NKAIN2: variants seen among roughly 807,000 people sequenced by gnomAD.
NKAIN2 encodes the protein sodium/potassium transporting ATPase interacting 2, also known as sodium/potassium-transporting ATPase subunit beta-1-interacting protein 2.
Under a neutral mutation model 32.6 loss-of-function variants are expected in NKAIN2, and 14 were observed. That is an observed-to-expected ratio of 0.43 (90% CI 0.28 to 0.67). The LOEUF is 0.67. NKAIN2 is among the 30% of genes least tolerant of loss of function. The pLI, the probability that NKAIN2 is intolerant of heterozygous loss-of-function variation, is 0.17. For synonymous variants in NKAIN2, 80 were observed against 87.2 expected (o/e 0.92, Z 0.46); for missense variants, 198 against 258.3 (o/e 0.77, Z 1.60).
chr6:124,800,074 G>A (rs533899081), intron 5 of NKAIN2, among the ~76,000 whole-genome samples: 9 of 152,278 alleles, frequency 5.9e-5, no homozygotes, highest in Admixed American at 4.6e-4. Context: ...AAGACAAAAC[G>A]CTGGCACAGG....
Position 124,277,857 on chromosome 6 carries a change from T to C in NKAIN2, c.55-5148T>C, listed in dbSNP as rs112623826. On this transcript the variant is annotated intron_variant, in intron 1 of 6. Coordinates refer to ENST00000368417, the MANE Select transcript of NKAIN2 (RefSeq NM_001040214.3). ...GCACTAGAAACATAATTTGGTTGTTTACAGCCTTTAATAACACACCTTAAA... is the reference window on the plus strand; with the variant it reads ...GCACTAGAAACATAATTTGGTTGTTCACAGCCTTTAATAACACACCTTAAA... Among the ~76,000 whole-genome samples the C allele has an allele frequency of 3.5e-3, 534 of 152,026 alleles. 2 individuals are homozygous for C. The highest frequency in any genetic ancestry group is 0.012 in the African/African-American group (502 of 41,438).
chr6:124,375,213 C>A (rs543538065), intron 3 of NKAIN2, among the ~76,000 whole-genome samples: 5 of 151,960 alleles, frequency 3.3e-5, no homozygotes, highest in African/African-American at 1.2e-4. Context: ...AACACGTGCT[C>A]CAGATCCCAC....
chr6:124,789,022 G>T (rs1258384276), intron 4 of NKAIN2, among the ~76,000 whole-genome samples: 2 of 151,990 alleles, frequency 1.3e-5, no homozygotes, highest in Non-Finnish European at 2.9e-5. Flanking sequence ...AATGCAGCAG[G>T]ATTTACTTTT....
At chr6:124,752,393 G>GA (rs1777762110) in intron 4 of NKAIN2, among the ~76,000 whole-genome samples, 1 of 152,012 alleles carries the variant, frequency 6.6e-6, no homozygotes. Context: ...GAGAAGTAAC[G>GA]AGAGTAACAT....
intron 1 of NKAIN2, among the ~76,000 whole-genome samples, chr6:123,953,827 G>A (rs953326041): frequency 6.6e-6 from 1 of 152,280 alleles, no homozygotes; most frequent in South Asian, 2.1e-4. Context: ...GAGCAGCAGC[G>A]ACTGCACTAC....
At chr6:124,017,127 G>T (rs1022463935) in intron 1 of NKAIN2, among the ~76,000 whole-genome samples, 2 of 152,178 alleles carry the variant, frequency 1.3e-5, no homozygotes, top group African/African-American at 2.4e-5. Context: ...AGAAGCAAAA[G>T]CCTGTCTTAA....
At chr6:124,306,341 G>T (rs764409137) in intron 2 of NKAIN2, among the ~76,000 whole-genome samples, 13 of 152,070 alleles carry the variant, frequency 8.5e-5, no homozygotes, top group Non-Finnish European at 1.8e-4. Flanking sequence ...AAAGAATGTT[G>T]TATTTTTACT....
intron 3 of NKAIN2, among the ~76,000 whole-genome samples, chr6:124,375,643 T>C (rs372472752): frequency 6.6e-6 from 1 of 151,578 alleles, no homozygotes. Context: ...AAACAAAAAC[T>C]GAGGTAGAGC....
intron 1 of NKAIN2, among the ~76,000 whole-genome samples, chr6:124,051,975 C>T (rs970090865): frequency 2.0e-5 from 3 of 151,968 alleles, no homozygotes; most frequent in African/African-American, 7.2e-5. Context: ...CTACAGACTG[C>T]CTGGGAGGGG....
At chr6:124,167,006 T>G (rs1788583476) in intron 1 of NKAIN2, among the ~76,000 whole-genome samples, 1 of 151,000 alleles carries the variant, frequency 6.6e-6, no homozygotes, top group Non-Finnish European at 1.5e-5. Context: ...TGCGGGCTCT[T>G]TTTTGGTTCC....
intron 1 of NKAIN2, among the ~76,000 whole-genome samples, chr6:124,006,780 C>G (rs1378059295): frequency 3.9e-5 from 6 of 152,142 alleles, no homozygotes; most frequent in African/African-American, 1.4e-4. Context: ...ATCTCAACCA[C>G]ATGGACTATT....
chr6:124,702,084 T>C (rs758928807), intron 4 of NKAIN2, among the ~76,000 whole-genome samples: 20 of 152,112 alleles, frequency 1.3e-4, no homozygotes, highest in East Asian at 7.7e-4. Flanking sequence ...TTGGGTTACA[T>C]TGAACTGACA....
intron 1 of NKAIN2, among the ~76,000 whole-genome samples, chr6:123,988,657 T>G (rs1330503795): frequency 6.6e-6 from 1 of 152,210 alleles, no homozygotes; most frequent in Non-Finnish European, 1.5e-5. Context: ...TTAGGTTTGA[T>G]CTACTTTTCT....
intron 1 of NKAIN2, among the ~76,000 whole-genome samples, chr6:124,099,595 C>T (rs558582188): frequency 3.2e-4 from 48 of 152,060 alleles, no homozygotes; most frequent in Non-Finnish European, 6.2e-4. Flanking sequence ...TAAAGAAATG[C>T]CATTGAAAAG....
chr6:124,489,755 A>T (rs1218556278), intron 3 of NKAIN2, among the ~76,000 whole-genome samples: 1 of 151,860 alleles, frequency 6.6e-6, no homozygotes, highest in Non-Finnish European at 1.5e-5. Flanking sequence ...AGTAAGTTGG[A>T]GTCCACTTGT....
intron 1 of NKAIN2, among the ~76,000 whole-genome samples, chr6:123,901,647 C>G (rs1039994582): frequency 4.6e-5 from 7 of 152,080 alleles, no homozygotes; most frequent in Admixed American, 1.3e-4. Flanking sequence ...CATTTTTCTG[C>G]AAAGAAAGTG....
At chr6:124,535,975 A>C (rs1364995224) in intron 3 of NKAIN2, among the ~76,000 whole-genome samples, 1 of 152,204 alleles carries the variant, frequency 6.6e-6, no homozygotes, top group Non-Finnish European at 1.5e-5. Flanking sequence ...GATGCCGATG[A>C]GCAATCTGCT....
chr6:124,146,478 C>A (rs1787407625), intron 1 of NKAIN2, among the ~76,000 whole-genome samples: 1 of 152,102 alleles, frequency 6.6e-6, no homozygotes, highest in South Asian at 2.1e-4. Context: ...GAAACAATTA[C>A]TTTAGAAAAC....
chr6:124,308,825 G>C (rs77301714), intron 2 of NKAIN2, among the ~76,000 whole-genome samples: 2,987 of 152,162 alleles, frequency 0.02, 53 homozygotes, highest in East Asian at 0.087. Context: ...GTGGAAAAAT[G>C]AATCCAAGTC....
Sources: allele counts gnomAD v4.1 joint callset (sites outside exome capture counted in the v4.1 genomes callset), GRCh38; gene constraint gnomAD v4.1.1; transcripts MANE v1.5; gene names NCBI Gene and HGNC (gene_info 2026-07-23, HGNC 2026-07-21).